UNC13B: variants seen among roughly 807,000 people sequenced by gnomAD.
UNC13B encodes unc-13 homolog B.
UNC13B carries 144 observed loss-of-function variants against 211.0 expected under a neutral mutation model. The observed-to-expected ratio is 0.68, with a 90% confidence interval of 0.60 to 0.78. The LOEUF (loss-of-function observed/expected upper bound fraction) is 0.78, where lower values mean the gene tolerates loss of function less well. UNC13B is among the 30% of genes least tolerant of loss of function. The probability of loss-of-function intolerance (pLI) is 0.00; values close to 1 mark genes in which losing one functional copy is unlikely to be tolerated. For synonymous variants in UNC13B, 709 were observed against 725.8 expected, an observed-to-expected ratio of 0.98 and a Z score of 0.37; for missense variants, 1,777 against 2,002.0, an observed-to-expected ratio of 0.89 and a Z score of 2.14.
intron 11 of UNC13B, among the ~76,000 whole-genome samples, chr9:35,335,524 G>A (rs1042709766): frequency 2.0e-5 from 3 of 152,172 alleles, no homozygotes; most frequent in Non-Finnish European, 4.4e-5. Context: ...AGCATGCTAA[G>A]GAAATGTGTT....
intron 8 of UNC13B, among the ~76,000 whole-genome samples, chr9:35,297,908 T>C (rs1209148702): frequency 6.6e-6 from 1 of 152,180 alleles, no homozygotes; most frequent in Non-Finnish European, 1.5e-5. Flanking sequence ...AAATTTGGTA[T>C]ATGCCGTATT....
intron 37 of UNC13B, among the ~76,000 whole-genome samples, chr9:35,401,191 G>C (rs1404611493): frequency 4.6e-5 from 7 of 152,298 alleles, no homozygotes; most frequent in African/African-American, 1.7e-4. Flanking sequence ...AGGCTGCCTG[G>C]GGGAGTGAAC....
chr9:35,244,815 A>G (rs999779137), intron 6 of UNC13B, among the ~76,000 whole-genome samples: 3 of 152,198 alleles, frequency 2.0e-5, no homozygotes, highest in Admixed American at 2.0e-4. Context: ...GAAGTCTAAC[A>G]TATCTTTTAG....
At chr9:35,342,472 G>A in intron 11 of UNC13B, 1 of 598,986 alleles carries the variant, frequency 1.7e-6, no homozygotes, top group Non-Finnish European at 2.1e-6. Flanking sequence ...GGTGAGGGGG[G>A]TCATTATAAT....
In UNC13B at chr9:35,384,646, C is replaced by G. The variant is rs189079016; in HGVS notation, c.10875+332C>G. On this transcript the variant is annotated intron_variant, in intron 22 of 39. Coordinates refer to ENST00000635942, the MANE Select transcript of UNC13B (RefSeq NM_001371189.2). ...GAGTATCCTTTTAAAAAATTAGATA[C>G]CTAATTACATTTCTTTTTTGCATTT... The G allele has an allele frequency of 2.1e-4, 211 of 985,320 alleles. 1 individual carries two copies. In the African/African-American group the frequency reaches 3.5e-3, roughly 16 times the overall value. The allele number at this position is 985,320 out of a possible 1,614,324, so 61.0% of individuals were successfully genotyped here. A position where few individuals can be genotyped will look rare whatever the true frequency, so the allele number is the denominator to read the frequency against.
chr9:35,380,564 T>TCTGATGATTTCCTTGGC lies in UNC13B; in HGVS notation c.10302_10318dup (p.Gln3440LeufsTer15). 1 of 1,613,810 alleles carries TCTGATGATTTCCTTGGC rather than the reference T, an allele frequency of 6.2e-7. No individual in the cohort carries two copies. Among genetic ancestry groups the TCTGATGATTTCCTTGGC allele is most frequent in the Non-Finnish European group, 8.5e-7 (1 of 1,179,964 alleles). On this transcript the variant is annotated frameshift_variant, in exon 18 of 40. Transcript: ENST00000635942. LOFTEE classifies it high-confidence loss of function. The stretch of plus-strand genomic sequence containing the variant: ...AGTAAAGCAACGCCTAAAGCGAGAG[T>TCTGATGATTTCCTTGGC]CTGATGATTTCCTTGGCCAAACCAT...
chr9:35,296,931 C>G (rs1829388493), intron 8 of UNC13B, among the ~76,000 whole-genome samples: 1 of 152,122 alleles, frequency 6.6e-6, no homozygotes, highest in African/African-American at 2.4e-5. Flanking sequence ...ATTTAAATTT[C>G]TCCAGTTATC....
chr9:35,292,143 G>A (rs1829131177), intron 7 of UNC13B, among the ~76,000 whole-genome samples: 1 of 152,112 alleles, frequency 6.6e-6, no homozygotes, highest in African/African-American at 2.4e-5. Flanking sequence ...TTCTTTGGTT[G>A]CTGAAGTTCT....
intron 7 of UNC13B, among the ~76,000 whole-genome samples, chr9:35,266,927 C>T (rs1485040838): frequency 6.6e-6 from 1 of 152,106 alleles, no homozygotes; most frequent in Non-Finnish European, 1.5e-5. Flanking sequence ...TTTTAACTTC[C>T]CAAAGCCTAA....
At chr9:35,211,505 A>G (rs1373363954) in intron 1 of UNC13B, among the ~76,000 whole-genome samples, 1 of 152,212 alleles carries the variant, frequency 6.6e-6, no homozygotes, top group African/African-American at 2.4e-5. Flanking sequence ...CTCATCTTCT[A>G]TTGAACATTT....
chr9:35,321,078 G>C (rs1030886381), intron 11 of UNC13B, among the ~76,000 whole-genome samples: 6 of 151,402 alleles, frequency 4.0e-5, no homozygotes, highest in African/African-American at 1.4e-4. Flanking sequence ...ATCATAATAT[G>C]TGTGGATTTA....
intron 11 of UNC13B, among the ~76,000 whole-genome samples, chr9:35,318,414 C>T (rs1459288711): frequency 6.6e-6 from 1 of 152,182 alleles, no homozygotes; most frequent in Non-Finnish European, 1.5e-5. Flanking sequence ...ACCCCAATCA[C>T]TCCTTCACCC....
Position 35,404,288 on chromosome 9 carries a change from A to G in UNC13B, c.*255A>G, listed in dbSNP as rs1836542199. 3 of 532,502 alleles carry G rather than the reference A, an allele frequency of 5.6e-6. No individual in the cohort carries two copies. Among genetic ancestry groups the G allele is most frequent in the African/African-American group, 1.9e-5 (1 of 52,786 alleles). The allele number at this position is 532,502 out of a possible 1,614,324, so 33.0% of individuals were successfully genotyped here. A position where few individuals can be genotyped will look rare whatever the true frequency, so the allele number is the denominator to read the frequency against. Reference sequence around the variant, plus strand: ...ACATGGAGAGATTTTCCATTAAGAGAGAAGGACAAACATTTCTGAGAGTGT... The same window carrying G: ...ACATGGAGAGATTTTCCATTAAGAGGGAAGGACAAACATTTCTGAGAGTGT... On this transcript the variant is annotated 3_prime_UTR_variant, in exon 40 of 40. Coordinates refer to ENST00000635942, the MANE Select transcript of UNC13B (RefSeq NM_001371189.2).
At chr9:35,214,542 T>C (rs1445349526) in intron 1 of UNC13B, among the ~76,000 whole-genome samples, 3 of 152,088 alleles carry the variant, frequency 2.0e-5, no homozygotes, top group Non-Finnish European at 4.4e-5. Flanking sequence ...TGAAGAGTAT[T>C]ATTGAATTTT....
chr9:35,253,578 A>G lies in UNC13B; in HGVS notation c.469-5415A>G, dbSNP rs747395768. Among the ~76,000 whole-genome samples the G allele has an allele frequency of 6.0e-4, 92 of 152,320 alleles. 1 individual carries two copies. The highest frequency in any genetic ancestry group is 1.4e-3 in the Admixed American group (22 of 15,300). On this transcript the variant is annotated intron_variant, in intron 6 of 39. Transcript: ENST00000635942. The stretch of plus-strand genomic sequence containing the variant: ...GCTGCAAAATCATTTTAAAAATACA[A>G]TATAGAGTCTAACTTTTTTATTCTA...
intron 11 of UNC13B, among the ~76,000 whole-genome samples, chr9:35,358,611 G>C (rs923853328): frequency 6.6e-6 from 1 of 150,746 alleles, no homozygotes; most frequent in Non-Finnish European, 1.5e-5. Flanking sequence ...AGAAATCATT[G>C]GTTAATCTGA....
chr9:35,258,254 C>T (rs1036270656), intron 6 of UNC13B, among the ~76,000 whole-genome samples: 17 of 152,158 alleles, frequency 1.1e-4, no homozygotes, highest in African/African-American at 3.9e-4. Flanking sequence ...ATCCAATGGA[C>T]CCTGAACCAG....
intron 7 of UNC13B, among the ~76,000 whole-genome samples, chr9:35,262,251 T>C (rs1827320108): frequency 6.6e-6 from 1 of 151,886 alleles, no homozygotes; most frequent in South Asian, 2.1e-4. Context: ...CTTCTTTCCT[T>C]TCCCTTCCTT....
intron 11 of UNC13B, among the ~76,000 whole-genome samples, chr9:35,336,528 G>T (rs188311213): frequency 1.3e-5 from 2 of 151,980 alleles, no homozygotes; most frequent in African/African-American, 2.4e-5. Context: ...AAAGAGTCTC[G>T]CTCTGTCACC....
Sources: gnomAD v4.1 joint callset for allele counts (sites outside exome capture counted in the v4.1 genomes callset) on GRCh38, gnomAD v4.1.1 for gene constraint, MANE v1.5 for transcripts, NCBI Gene and HGNC (gene_info 2026-07-23, HGNC 2026-07-21) for gene names.